The following PARP8 variants were observed in gnomAD, a reference collection of about 807,000 sequenced individuals.
PARP8 encodes the protein protein mono-ADP-ribosyltransferase PARP8.
Under a neutral mutation model 124.1 loss-of-function variants are expected in PARP8, and 51 were observed. The ratio of observed to expected loss-of-function variants is 0.41; its 90% CI spans 0.33 to 0.52. The LOEUF is 0.52. Among genes scored for constraint, PARP8 ranks in the 20% least tolerant of loss-of-function variants. The pLI is 0.21. For synonymous variants in PARP8, 391 were observed against 361.5 expected (o/e 1.08, Z -0.93); for missense variants, 860 against 1,018.9 (o/e 0.84, Z 2.12).
chr5:50,676,811 T>C lies in PARP8; in HGVS notation c.146+8686T>C, dbSNP rs142102494. On this transcript the variant is annotated intron_variant, in intron 2 of 25. Transcript: ENST00000281631. ...ATTTAGTGAAAGATTTAAAATCATT[T>C]CTCAGACTTTTTCCACATTAGTCGG... 6.9e-3 allele frequency among the ~76,000 whole-genome samples: 1,058 copies of C among 152,352 alleles called. 8 individuals carry two copies. Among genetic ancestry groups the C allele is most frequent in the East Asian group, 0.039 (203 of 5,190 alleles).
At chr5:50,774,642 T>C (rs149086) in intron 7 of PARP8, among the ~76,000 whole-genome samples, 15,394 of 62,226 alleles carry the variant, frequency 0.25, 1,322 homozygotes, top group African/African-American at 0.35. Context: ...ACGGGGCGGC[T>C]GGGCAGAGGC....
At chr5:50,816,101 C>G (rs1367583073) in intron 15 of PARP8, among the ~76,000 whole-genome samples, 1 of 151,864 alleles carries the variant, frequency 6.6e-6, no homozygotes, top group South Asian at 2.1e-4. Flanking sequence ...ACTAGACCAA[C>G]CACATACAGA....
rs186666952 is a variant in PARP8 at position 50,771,405 on chromosome 5, C to T, written c.519-6664C>T. Among the ~76,000 whole-genome samples the T allele has an allele frequency of 4.5e-3, 684 of 152,234 alleles. 4 individuals carry two copies. The highest frequency in any genetic ancestry group is 6.8e-3 in the Middle Eastern group (2 of 294). Reference sequence around the variant, plus strand: ...AACTCCTGACCTCAAGTGATCCACCCACCTCGGCCTCCCAAAGTGCTGGGA... The same window carrying T: ...AACTCCTGACCTCAAGTGATCCACCTACCTCGGCCTCCCAAAGTGCTGGGA... On this transcript the variant is annotated intron_variant, in intron 7 of 25. Transcript: ENST00000281631.
intron 25 of PARP8, among the ~76,000 whole-genome samples, chr5:50,837,325 T>C (rs749925411): frequency 4.6e-5 from 7 of 152,132 alleles, no homozygotes; most frequent in Non-Finnish European, 8.8e-5. Context: ...GGGGAATCTG[T>C]TTCATTAATA....
intron 2 of PARP8, chr5:50,744,618 A>AT: frequency 1.6e-6 from 1 of 640,292 alleles, no homozygotes; most frequent in Non-Finnish European, 2.8e-6. Flanking sequence ...CACTGTTCAT[A>AT]TAATATATAC....
intron 15 of PARP8, among the ~76,000 whole-genome samples, chr5:50,818,414 G>C (rs1745361025): frequency 6.6e-6 from 1 of 152,050 alleles, no homozygotes; most frequent in African/African-American, 2.4e-5. Context: ...TTTTTTTGTG[G>C]AGACAGGATT....
At chr5:50,778,501 T>G in intron 8 of PARP8, 59 bp from the exon 9 acceptor site, 1 of 1,423,866 alleles carries the variant, frequency 7.0e-7, no homozygotes, top group South Asian at 1.3e-5. Flanking sequence ...TTGTGTGTTT[T>G]TTTTTTCATT....
intron 3 of PARP8, among the ~76,000 whole-genome samples, chr5:50,757,600 C>G (rs184491820): frequency 6.6e-6 from 1 of 152,160 alleles, no homozygotes; most frequent in Admixed American, 6.5e-5. Context: ...ACAAACTATA[C>G]AAAATCTTTC....
intron 10 of PARP8, among the ~76,000 whole-genome samples, chr5:50,792,260 G>A (rs1004364562): frequency 3.7e-4 from 57 of 152,252 alleles, no homozygotes; most frequent in Admixed American, 1.4e-3. Flanking sequence ...CTATTATAAG[G>A]AGGTGGTTGT....
chr5:50,762,015 T>A, intron 6 of PARP8, 117 bp downstream of exon 6: 1 of 507,690 alleles, frequency 2.0e-6, no homozygotes, highest in Non-Finnish European at 3.5e-6. Flanking sequence ...GTTCTGTAAC[T>A]AACTAGAAAA....
At chr5:50,812,951 A>C (rs377629007) in intron 14 of PARP8, among the ~76,000 whole-genome samples, 1 of 151,968 alleles carries the variant, frequency 6.6e-6, no homozygotes, top group African/African-American at 2.4e-5. Context: ...CCATTGGTCT[A>C]TATCTCTGTT....
intron 9 of PARP8, among the ~76,000 whole-genome samples, chr5:50,787,354 C>T (rs1314524971): frequency 3.3e-5 from 5 of 152,162 alleles, no homozygotes; most frequent in Admixed American, 2.6e-4. Context: ...AGTCCTCTCC[C>T]TACACTGTTC....
At chr5:50,699,867 G>C (rs1411163634) in intron 2 of PARP8, among the ~76,000 whole-genome samples, 1 of 152,138 alleles carries the variant, frequency 6.6e-6, no homozygotes, top group East Asian at 1.9e-4. Flanking sequence ...TCTCGGTTCA[G>C]CTGAGGCCTG....
intron 15 of PARP8, among the ~76,000 whole-genome samples, 166 bp downstream of exon 15, chr5:50,815,690 T>G (rs897948166): frequency 4.6e-5 from 7 of 152,192 alleles, no homozygotes; most frequent in Non-Finnish European, 7.4e-5. Context: ...ATGTGATCTC[T>G]CCATCTAATG....
At chr5:50,730,173 A>C (rs73101037) in intron 2 of PARP8, among the ~76,000 whole-genome samples, 3,860 of 152,180 alleles carry the variant, frequency 0.025, 166 homozygotes, top group African/African-American at 0.088. Flanking sequence ...GGAGAATTTT[A>C]ACAGGATTTG....
In PARP8 at chr5:50,750,279, T is replaced by C. The variant is rs1366777093; in HGVS notation, c.184+91T>C. On this transcript the variant is annotated intron_variant, in intron 3 of 25. Coordinates refer to ENST00000281631, the MANE Select transcript of PARP8 (RefSeq NM_024615.4). ...GAGATGTAAAACGCATATAAATATA[T>C]TGAGGGGTGAAACACTGGTAGAGGA... The C allele has an allele frequency of 4.6e-6, 5 of 1,089,390 alleles. No individual in the cohort carries two copies. The African/African-American group carries it at 4.7e-5, about 10-fold the overall frequency. 67.5% of individuals were successfully genotyped at this position (1,089,390 alleles called of 1,614,324 possible).
At chr5:50,677,888 CT>C (rs1431653911) in intron 2 of PARP8, among the ~76,000 whole-genome samples, 1 of 150,892 alleles carries the variant, frequency 6.6e-6, no homozygotes, top group East Asian at 1.9e-4. Flanking sequence ...AAGGCAAAGA[CT>C]TTTTCAACAT....
intron 2 of PARP8, among the ~76,000 whole-genome samples, chr5:50,745,647 A>G (rs1353345653): frequency 6.6e-6 from 1 of 152,170 alleles, no homozygotes; most frequent in Non-Finnish European, 1.5e-5. Context: ...CTCATTTTGG[A>G]TTCAGACATT....
intron 15 of PARP8, among the ~76,000 whole-genome samples, chr5:50,818,348 C>A (rs955130548): frequency 3.3e-5 from 5 of 152,104 alleles, no homozygotes; most frequent in African/African-American, 1.2e-4. Context: ...CCTGCCTCAG[C>A]CTCTCTAGTA....
Sources: allele counts gnomAD v4.1 joint callset (sites outside exome capture counted in the v4.1 genomes callset), GRCh38; gene constraint gnomAD v4.1.1; transcripts MANE v1.5; gene names NCBI Gene and HGNC (gene_info 2026-07-23, HGNC 2026-07-21).